NPAS3: variants seen among roughly 807,000 people sequenced by gnomAD.
NPAS3 encodes neuronal PAS domain-containing protein 3.
Under a neutral mutation model 73.1 loss-of-function variants are expected in NPAS3, and 14 were observed. The observed-to-expected ratio is 0.19, with a 90% CI of 0.13 to 0.30. NPAS3 has a LOEUF of 0.30. Ranked by LOEUF, NPAS3 falls within the 10% of genes least tolerant of loss-of-function variation. The pLI, the probability that NPAS3 is intolerant of heterozygous loss-of-function variation, is 1.00. For synonymous variants in NPAS3, 620 were observed against 541.5 expected (o/e 1.14, Z -2.01); for missense variants, 1,096 against 1,250.0 (o/e 0.88, Z 1.86).
intron 3 of NPAS3, among the ~76,000 whole-genome samples, chr14:33,237,974 A>G (rs1028816094): frequency 2.0e-5 from 3 of 151,936 alleles, no homozygotes; most frequent in Non-Finnish European, 4.4e-5. Context: ...CCGCTTTTGC[A>G]TAAAGAACCC....
At chr14:32,938,705 G>C (rs1377777503), upstream of NPAS3, among the ~76,000 whole-genome samples, 1 of 151,064 alleles carries the variant, frequency 6.6e-6, no homozygotes, top group Non-Finnish European at 1.5e-5. Context: ...ACCTGCCACC[G>C]GGCTGCTCCG....
chr14:32,964,409 A>C (rs990562462), intron 1 of NPAS3, among the ~76,000 whole-genome samples: 1 of 152,166 alleles, frequency 6.6e-6, no homozygotes, highest in East Asian at 1.9e-4. Flanking sequence ...TCCAGATCCC[A>C]CATTCCTATC....
intron 5 of NPAS3, among the ~76,000 whole-genome samples, chr14:33,610,011 G>C (rs965687357): frequency 6.6e-6 from 1 of 152,106 alleles, no homozygotes; most frequent in Non-Finnish European, 1.5e-5. Context: ...CAATAGGAGG[G>C]TTGTTGTCTA....
At chr14:33,718,984 C>T (rs921811929) in intron 6 of NPAS3, among the ~76,000 whole-genome samples, 1 of 152,042 alleles carries the variant, frequency 6.6e-6, no homozygotes, top group Admixed American at 6.6e-5. Context: ...AAAATCTAGC[C>T]AGGTGTGGTG....
intron 4 of NPAS3, among the ~76,000 whole-genome samples, chr14:33,420,625 G>A (rs1209532122): frequency 2.0e-5 from 3 of 151,852 alleles, no homozygotes; most frequent in African/African-American, 4.8e-5. Context: ...GATGGATACT[G>A]TAAAAAATTC....
chr14:33,045,348 C>T (rs762121440), intron 1 of NPAS3, among the ~76,000 whole-genome samples: 1 of 152,172 alleles, frequency 6.6e-6, no homozygotes, highest in Non-Finnish European at 1.5e-5. Flanking sequence ...TTCCTCCTCC[C>T]CACCTTTCAA....
upstream of NPAS3, among the ~76,000 whole-genome samples, chr14:32,938,836 C>T (rs942027676): frequency 6.8e-6 from 1 of 146,286 alleles, no homozygotes; most frequent in Admixed American, 6.8e-5. Context: ...CGCCTCCCCC[C>T]GCCGCCGCCG....
intron 5 of NPAS3, among the ~76,000 whole-genome samples, chr14:33,613,940 A>ACTATCTCAACCTGTCAAG (rs1398098243): frequency 6.6e-6 from 1 of 152,202 alleles, no homozygotes; most frequent in East Asian, 1.9e-4. Flanking sequence ...TCAACCTGTC[A>ACTATCTCAACCTGTCAAG]GATTCCAAAT....
chr14:33,674,585 G>C (rs1257858871), intron 5 of NPAS3, among the ~76,000 whole-genome samples: 2 of 152,190 alleles, frequency 1.3e-5, no homozygotes, highest in Non-Finnish European at 2.9e-5. Flanking sequence ...GAGGGTAAGA[G>C]CTGATCACTG....
chr14:33,435,026 G>A (rs1179697640), intron 4 of NPAS3, among the ~76,000 whole-genome samples: 1 of 152,186 alleles, frequency 6.6e-6, no homozygotes, highest in East Asian at 1.9e-4. Context: ...AGACTCACCT[G>A]CAGATTGGAG....
intron 4 of NPAS3, among the ~76,000 whole-genome samples, chr14:33,477,234 C>CT (rs1266606126): frequency 6.6e-6 from 1 of 152,104 alleles, no homozygotes; most frequent in Non-Finnish European, 1.5e-5. Flanking sequence ...AGAGAGGATG[C>CT]TTTTCTCAGA....
chr14:33,538,629 A>G (rs1360021886), intron 4 of NPAS3, among the ~76,000 whole-genome samples: 1 of 152,224 alleles, frequency 6.6e-6, no homozygotes, highest in Non-Finnish European at 1.5e-5. Flanking sequence ...ATTATTATTA[A>G]TATTAGATAG....
chr14:33,065,026 A>G (rs181579277), intron 2 of NPAS3, among the ~76,000 whole-genome samples: 14 of 152,192 alleles, frequency 9.2e-5, no homozygotes, highest in Non-Finnish European at 1.8e-4. Flanking sequence ...TGACACTTAT[A>G]TTTTTCCTGG....
upstream of NPAS3, among the ~76,000 whole-genome samples, chr14:32,938,492 A>AGAGAGAGAAATT (rs1431042539): frequency 2.0e-5 from 2 of 100,100 alleles, no homozygotes; most frequent in Non-Finnish European, 4.3e-5. Flanking sequence ...AAATTGAGAG[A>AGAGAGAGAAATT]GAGAGAGAGA....
chr14:33,016,319 G>C (rs1202110566), intron 1 of NPAS3, among the ~76,000 whole-genome samples: 1 of 152,088 alleles, frequency 6.6e-6, no homozygotes, highest in African/African-American at 2.4e-5. Flanking sequence ...GCCCATGGTA[G>C]ATAATCTAAA....
rs115785343 is a variant in NPAS3, at chr14:33,712,772, G to T, written c.734-22442G>T. Among the ~76,000 whole-genome samples the T allele has an allele frequency of 4.2e-3, 632 of 152,232 alleles. 2 individuals are homozygous for T. The highest frequency in any genetic ancestry group is 0.014 in the African/African-American group (598 of 41,534). ...ATTCATGATACACACTAGAACCTGA[G>T]AAACCCAGTTCATTCTTACAGTGGG... On this transcript the variant is annotated intron_variant, in intron 6 of 11. Transcript: ENST00000356141.
At chr14:33,051,280 C>CAAAAAAAAAAAAAAAAAAAA (rs1236766783) in intron 1 of NPAS3, among the ~76,000 whole-genome samples, 2 of 64,250 alleles carry the variant, frequency 3.1e-5, no homozygotes, top group African/African-American at 1.3e-4. Flanking sequence ...GACTCCGTCT[C>CAAAAAAAAAAAAAAAAAAAA]AAAAAAAAAA....
chr14:33,799,798 G>A, exon 12 of NPAS3: 2 of 1,612,520 alleles, frequency 1.2e-6, no homozygotes, highest in Non-Finnish European at 8.5e-7. Context: ...AAGACCCGGA[G>A]CCCGACCGGA....
At chr14:33,651,650 A>T (rs1034808407) in intron 5 of NPAS3, among the ~76,000 whole-genome samples, 1 of 152,032 alleles carries the variant, frequency 6.6e-6, no homozygotes, top group Non-Finnish European at 1.5e-5. Flanking sequence ...CCTTTTCTCT[A>T]TACCTCTGTT....
Sources: gnomAD v4.1 joint callset for allele counts (sites outside exome capture counted in the v4.1 genomes callset) on GRCh38, gnomAD v4.1.1 for gene constraint, MANE v1.5 for transcripts, NCBI Gene and HGNC (gene_info 2026-07-23, HGNC 2026-07-21) for gene names.